Variants in SLAIN1 observed in about 807,000 individuals in gnomAD.
The protein encoded by SLAIN1 is SLAIN motif-containing protein 1.
SLAIN1 carries 17 observed loss-of-function variants against 55.4 expected under a neutral mutation model. The observed-to-expected ratio is 0.31, with a 90% CI of 0.21 to 0.46. SLAIN1 has a LOEUF of 0.46. SLAIN1 is among the 20% of genes least tolerant of loss of function. SLAIN1 has a pLI of 1.00. For missense variants in SLAIN1, 682 were observed against 785.1 expected (o/e 0.87, Z 1.57); for synonymous variants, 348 against 337.4 (o/e 1.03, Z -0.35).
chr13:77,736,819 T>C (rs1146917), intron 2 of SLAIN1, among the ~76,000 whole-genome samples: 55,187 of 150,804 alleles, frequency 0.37, 11,268 homozygotes, highest in African/African-American at 0.56. Context: ...TGGGACTGGA[T>C]GCATCTTTGA....
At position 77,702,765 on chromosome 13, in the gene SLAIN1, A is replaced by C. The variant is rs79740464; in HGVS notation, c.626+4226A>C. 6.8e-3 allele frequency among the ~76,000 whole-genome samples: 1,033 copies of C among 152,304 alleles called. 3 individuals carry two copies. The highest frequency in any genetic ancestry group is 0.011 in the Non-Finnish European group (771 of 68,004). On this transcript the variant is annotated intron_variant, in intron 1 of 6. Coordinates refer to ENST00000418532, the MANE Select transcript of SLAIN1 (RefSeq NM_001242868.2). Reference sequence around the variant, plus strand: ...GTGTAACTCATTAGTAAGTTTATAAAGTCAATTTAGTGGATTGACCAGCAT... The same window carrying C: ...GTGTAACTCATTAGTAAGTTTATAACGTCAATTTAGTGGATTGACCAGCAT...
chr13:77,705,660 A>T (rs891423352), intron 1 of SLAIN1, among the ~76,000 whole-genome samples: 46 of 137,062 alleles, frequency 3.4e-4, no homozygotes, highest in Non-Finnish European at 4.6e-4. Context: ...TTTTTTTTTT[A>T]AAAACCTTGC....
chr13:77,706,799 A>G (rs1156355901), intron 1 of SLAIN1, among the ~76,000 whole-genome samples: 1 of 152,186 alleles, frequency 6.6e-6, no homozygotes, highest in Non-Finnish European at 1.5e-5. Flanking sequence ...CATAAGATTC[A>G]TAGTTGGACT....
chr13:77,758,294 A>G (rs1874748935), intron 5 of SLAIN1, among the ~76,000 whole-genome samples: 1 of 150,464 alleles, frequency 6.6e-6, no homozygotes, highest in African/African-American at 2.4e-5. Context: ...TTTCTTGTTG[A>G]TTTATTTGAG....
chr13:77,755,684 GATAA>G (rs1340297118), intron 5 of SLAIN1, among the ~76,000 whole-genome samples: 2 of 152,114 alleles, frequency 1.3e-5, no homozygotes, highest in African/African-American at 2.4e-5. Context: ...TACTTAATTG[GATAA>G]ATAGAGGGGA....
intron 1 of SLAIN1, among the ~76,000 whole-genome samples, chr13:77,719,149 A>C (rs2091236405): frequency 6.6e-6 from 1 of 152,086 alleles, no homozygotes; most frequent in Non-Finnish European, 1.5e-5. Flanking sequence ...TCATTAGCCC[A>C]AGTTTACAAA....
intron 1 of SLAIN1, among the ~76,000 whole-genome samples, chr13:77,718,722 G>C (rs1159846958): frequency 1.3e-5 from 2 of 152,044 alleles, no homozygotes. Context: ...GCAGTTTTGG[G>C]GAGGTAATTC....
intron 4 of SLAIN1, among the ~76,000 whole-genome samples, chr13:77,749,541 T>A (rs900448409): frequency 1.3e-5 from 2 of 152,142 alleles, no homozygotes; most frequent in Non-Finnish European, 2.9e-5. Flanking sequence ...TCTTTGTTCA[T>A]AGAGTGATGA....
chr13:77,700,399 T>C (rs1397111275), intron 1 of SLAIN1, among the ~76,000 whole-genome samples: 1 of 152,198 alleles, frequency 6.6e-6, no homozygotes, highest in African/African-American at 2.4e-5. Flanking sequence ...TTTACAAATG[T>C]TTCTAGAGAC....
chr13:77,701,626 T>C (rs2091031543), intron 1 of SLAIN1, among the ~76,000 whole-genome samples: 1 of 152,168 alleles, frequency 6.6e-6, no homozygotes, highest in African/African-American at 2.4e-5. Flanking sequence ...TTAATTGAAT[T>C]TTAAGTCTTG....
At position 77,750,511 on chromosome 13, in the gene SLAIN1, G is replaced by A. The variant is rs1874134287; in HGVS notation, c.1259-2692G>A. Among the ~76,000 whole-genome samples the A allele has an allele frequency of 2.0e-5, 3 of 152,120 alleles. No individual in the cohort carries two copies. In the South Asian group the frequency reaches 6.2e-4, roughly 32 times the overall value. ...GATATGGCCACTAAGATTATGTAGA[G>A]ATGAATCCTTCTAATTCCTCCCTTC... On this transcript the variant is annotated intron_variant, in intron 4 of 6. Coordinates refer to ENST00000418532, the MANE Select transcript of SLAIN1 (RefSeq NM_001242868.2).
In SLAIN1 at chr13:77,761,127, G is replaced by A; in HGVS notation, c.1697+17G>A. 1.2e-6 allele frequency: 2 copies of A among 1,611,852 alleles called. No homozygotes were observed. The highest frequency in any genetic ancestry group is 1.7e-6 in the Non-Finnish European group (2 of 1,178,330). Reference sequence around the variant, plus strand: ...TGTTAGAAGGTAAGAATGTGTATTTGCGTAACTTCATTTGCAGTTTGGAAC... The same window carrying A: ...TGTTAGAAGGTAAGAATGTGTATTTACGTAACTTCATTTGCAGTTTGGAAC... On this transcript the variant is annotated intron_variant, in intron 6 of 6. Transcript: ENST00000418532.
chr13:77,755,494 G>A (rs1874534124), intron 5 of SLAIN1, among the ~76,000 whole-genome samples: 1 of 152,120 alleles, frequency 6.6e-6, no homozygotes, highest in Non-Finnish European at 1.5e-5. Flanking sequence ...AATGTACACT[G>A]CAAAGAATGT....
At chr13:77,731,836 C>T (rs967541584) in intron 2 of SLAIN1, among the ~76,000 whole-genome samples, 7 of 151,824 alleles carry the variant, frequency 4.6e-5, no homozygotes, top group African/African-American at 9.7e-5. Flanking sequence ...ACCAACAAGG[C>T]GATGATTGGA....
rs184343078 is a variant in SLAIN1, at chr13:77,712,341, A to G, written c.627-7191A>G. ...AACCCCATCATCTCAGCCCAAAATC[A>G]CCTTAAGCTGATAAGCAACTTCAGC... On this transcript the variant is annotated intron_variant, in intron 1 of 6. Transcript: ENST00000418532. 3.6e-3 allele frequency among the ~76,000 whole-genome samples: 548 copies of G among 152,248 alleles called. 7 individuals are homozygous for G. Among genetic ancestry groups the G allele is most frequent in the Non-Finnish European group, 3.2e-3 (219 of 68,006 alleles).
At chr13:77,699,455 A>G (rs950933654) in intron 1 of SLAIN1, among the ~76,000 whole-genome samples, 1 of 152,026 alleles carries the variant, frequency 6.6e-6, no homozygotes, top group Admixed American at 6.6e-5. Flanking sequence ...CTTTAGGGGG[A>G]GGCTTGCTGT....
chr13:77,743,368 A>G (rs3812830), intron 2 of SLAIN1: 42,516 of 241,878 alleles, frequency 0.18, 4,027 homozygotes, highest in South Asian at 0.21. Context: ...TTTATGTAGC[A>G]GACAGTCTTC....
chr13:77,747,190 G>A lies in SLAIN1; in HGVS notation c.1258+335G>A, dbSNP rs751436889. Among the ~76,000 whole-genome samples, 130 of 151,892 alleles carry A rather than the reference G, an allele frequency of 8.6e-4. 2 individuals are homozygous for A. The highest frequency in any genetic ancestry group is 7.0e-3 in the Admixed American group (107 of 15,218). On this transcript the variant is annotated intron_variant, in intron 4 of 6. Transcript: ENST00000418532. ...ACCACTAACCTCAGGTAATCTGCCC[G>A]CCTTAGCCTCCCAAAGTGCTGGGAT... is the stretch of plus-strand genomic sequence containing the variant.
At position 77,698,785 on chromosome 13, in the gene SLAIN1, C is replaced by G. The variant is rs887567705; in HGVS notation, c.626+246C>G. 1 of 1,267,460 alleles carries G rather than the reference C, an allele frequency of 7.9e-7. No individual in the cohort carries two copies. The highest frequency in any genetic ancestry group is 1.0e-6 in the Non-Finnish European group (1 of 952,724). 78.5% of individuals were successfully genotyped at this position (1,267,460 alleles called of 1,614,324 possible). The stretch of plus-strand genomic sequence containing the variant: ...GCGGATGAACCGGCCCCCCCTTCCC[C>G]CCATCTGCCATGGGTTCTGCTATTT... On this transcript the variant is annotated intron_variant, in intron 1 of 6. Transcript: ENST00000418532. This position sits in a 1 kb window ranked among gnomAD's most constrained non-coding sequence, Gnocchi z 4.1.
Sources: allele counts gnomAD v4.1 joint callset (sites outside exome capture counted in the v4.1 genomes callset), GRCh38; gene constraint gnomAD v4.1.1; non-coding constraint Gnocchi (gnomAD v3.1); transcripts MANE v1.5; gene names NCBI Gene and HGNC (gene_info 2026-07-23, HGNC 2026-07-21).